Variants in DEPTOR observed in about 807,000 individuals in gnomAD.
DEPTOR encodes the protein DEP domain containing MTOR interacting protein, also known as DEP domain-containing mTOR-interacting protein.
In DEPTOR, 41 loss-of-function variants were observed where a neutral mutation model predicts 41.6. That is an observed-to-expected ratio of 0.98 (90% confidence interval 0.77 to 1.28). DEPTOR has a LOEUF of 1.28. DEPTOR is among the 50% of genes most tolerant of loss of function. The pLI is 0.00. For missense variants in DEPTOR, 514 were observed against 527.9 expected, an observed-to-expected ratio of 0.97 and a Z score of 0.26; for synonymous variants, 195 against 192.3, an observed-to-expected ratio of 1.01 and a Z score of -0.12.
intron 1 of DEPTOR, among the ~76,000 whole-genome samples, chr8:119,888,858 C>CAAAAAAAA (rs34471575): frequency 9.4e-5 from 6 of 63,862 alleles, no homozygotes; most frequent in African/African-American, 3.3e-4. Context: ...TCTGTCTCAG[C>CAAAAAAAA]AAAAAAAAAA....
chr8:119,982,244 C>T (rs1159939528), intron 4 of DEPTOR, among the ~76,000 whole-genome samples: 6 of 152,026 alleles, frequency 3.9e-5, no homozygotes, highest in Non-Finnish European at 8.8e-5. Context: ...AAGGACTGAA[C>T]ATAACATAAC....
At chr8:119,887,157 C>T (rs1586598565) in intron 1 of DEPTOR, among the ~76,000 whole-genome samples, 1 of 92,850 alleles carries the variant, frequency 1.1e-5, no homozygotes, top group Non-Finnish European at 2.2e-5. Flanking sequence ...CCCCTCCCCT[C>T]CCCTCCCCTC....
intron 4 of DEPTOR, among the ~76,000 whole-genome samples, chr8:119,984,327 G>C (rs116065804): frequency 6.6e-6 from 1 of 151,892 alleles, no homozygotes; most frequent in African/African-American, 2.4e-5. Context: ...GGACAGGTTT[G>C]TTACATGGGT....
intron 3 of DEPTOR, among the ~76,000 whole-genome samples, chr8:119,944,293 C>T (rs770670406): frequency 1.6e-4 from 24 of 152,184 alleles, no homozygotes; most frequent in Non-Finnish European, 2.2e-4. Context: ...GGAAAAGCCA[C>T]TTGCTCTTTT....
chr8:120,036,923 C>G (rs1812987340), intron 8 of DEPTOR, among the ~76,000 whole-genome samples: 1 of 152,228 alleles, frequency 6.6e-6, no homozygotes, highest in Non-Finnish European at 1.5e-5. Flanking sequence ...TCTGGATTCT[C>G]TGTCCTTGGG....
At chr8:120,035,855 C>T (rs138465245) in intron 8 of DEPTOR, among the ~76,000 whole-genome samples, 32 of 152,292 alleles carry the variant, frequency 2.1e-4, no homozygotes, top group African/African-American at 6.7e-4. Context: ...CTTCTTATAA[C>T]GTTCAGAAAC....
intron 1 of DEPTOR, among the ~76,000 whole-genome samples, chr8:119,903,856 C>T (rs1033731401): frequency 5.9e-5 from 9 of 152,154 alleles, no homozygotes; most frequent in Non-Finnish European, 1.0e-4. Context: ...TTGGTCTTCC[C>T]AGCTTTACCA....
chr8:120,017,775 T>C (rs910345763), intron 8 of DEPTOR, among the ~76,000 whole-genome samples: 4 of 152,174 alleles, frequency 2.6e-5, no homozygotes, highest in African/African-American at 7.2e-5. Context: ...CTGGAAAGTT[T>C]ATTTTTTCTT....
intron 3 of DEPTOR, among the ~76,000 whole-genome samples, chr8:119,962,120 G>C (rs1244060817): frequency 2.0e-5 from 3 of 151,136 alleles, no homozygotes; most frequent in Non-Finnish European, 4.4e-5. Flanking sequence ...AGCTGGACAT[G>C]GTGGTGCATG....
At chr8:119,962,692 G>A (rs181214543) in intron 3 of DEPTOR, among the ~76,000 whole-genome samples, 32 of 152,336 alleles carry the variant, frequency 2.1e-4, no homozygotes, top group Middle Eastern at 3.4e-3. Flanking sequence ...ATAGCTATGT[G>A]TAGACTTAGG....
chr8:119,880,086 G>C (rs950529889), intron 1 of DEPTOR, among the ~76,000 whole-genome samples: 2 of 151,794 alleles, frequency 1.3e-5, no homozygotes, highest in African/African-American at 4.8e-5. Flanking sequence ...AGGTTGCAGT[G>C]AGCCGAGATT....
intron 1 of DEPTOR, among the ~76,000 whole-genome samples, chr8:119,910,142 G>T (rs1187791578): frequency 6.6e-6 from 1 of 152,190 alleles, no homozygotes; most frequent in African/African-American, 2.4e-5. Flanking sequence ...TATACCAAGA[G>T]TATTCAGGGG....
intron 8 of DEPTOR, among the ~76,000 whole-genome samples, chr8:120,041,485 G>GTCCTGCC (rs753233478): frequency 1.3e-5 from 2 of 152,138 alleles, no homozygotes; most frequent in Non-Finnish European, 2.9e-5. Flanking sequence ...AATGTGCTGA[G>GTCCTGCC]TCCTGCCTCC....
Position 119,956,225 on chromosome 8 carries a change from T to A in DEPTOR, c.426-9007T>A, listed in dbSNP as rs185232942. ...AGTAAGTCAAACTCTTGCTTTAACA[T>A]TGCGACTACATATTAATCCTAAAAT... On this transcript the variant is annotated intron_variant, in intron 3 of 8. Coordinates refer to ENST00000286234, the MANE Select transcript of DEPTOR (RefSeq NM_022783.4). Among the ~76,000 whole-genome samples the A allele has an allele frequency of 1.1e-4, 16 of 152,350 alleles. 1 individual carries two copies. The highest frequency in any genetic ancestry group is 9.8e-4 in the Admixed American group (15 of 15,296).
At chr8:119,899,666 G>A (rs181164604) in intron 1 of DEPTOR, among the ~76,000 whole-genome samples, 65 of 152,236 alleles carry the variant, frequency 4.3e-4, no homozygotes, top group Admixed American at 2.9e-3. Flanking sequence ...TTTGTGCTCC[G>A]TGAATCACTA....
intron 3 of DEPTOR, among the ~76,000 whole-genome samples, chr8:119,941,278 C>T (rs528408738): frequency 3.5e-5 from 5 of 143,882 alleles, no homozygotes; most frequent in South Asian, 4.4e-4. Context: ...GAGGCTGAGG[C>T]GAGAGAATCA....
chr8:119,918,122 C>A (rs1827838062), intron 1 of DEPTOR, among the ~76,000 whole-genome samples: 1 of 152,114 alleles, frequency 6.6e-6, no homozygotes, highest in Non-Finnish European at 1.5e-5. Flanking sequence ...TGGCGTGGAT[C>A]CTCTGTGTGC....
Position 120,049,890 on chromosome 8 carries a change from T to C in DEPTOR, c.*186T>C, listed in dbSNP as rs755934084. ...GAAGAACCGGGTATCATATCTTTTTTAAAAAATGTCAGTGTAGAAAACATT... is the reference window on the plus strand; with the variant it reads ...GAAGAACCGGGTATCATATCTTTTTCAAAAAATGTCAGTGTAGAAAACATT... On this transcript the variant is annotated 3_prime_UTR_variant, in exon 9 of 9. Transcript: ENST00000286234. The C allele has an allele frequency of 3.0e-4, 182 of 615,476 alleles. No individual in the cohort carries two copies. The highest frequency in any genetic ancestry group is 7.0e-4 in the Admixed American group (17 of 24,214). 38.1% of individuals were successfully genotyped at this position (615,476 alleles called of 1,614,324 possible). A position where few individuals can be genotyped will look rare whatever the true frequency, so the allele number is the denominator to read the frequency against.
intron 3 of DEPTOR, among the ~76,000 whole-genome samples, chr8:119,948,315 G>A (rs957173678): frequency 2.6e-5 from 4 of 152,140 alleles, no homozygotes; most frequent in African/African-American, 7.2e-5. Context: ...GGGAGGCTGA[G>A]GCAGGAAAAT....
Sources: gnomAD v4.1 joint callset for allele counts (sites outside exome capture counted in the v4.1 genomes callset) on GRCh38, gnomAD v4.1.1 for gene constraint, MANE v1.5 for transcripts, NCBI Gene and HGNC (gene_info 2026-07-23, HGNC 2026-07-21) for gene names.